Variants in GSK3B observed in about 807,000 individuals in gnomAD.
The protein encoded by GSK3B is glycogen synthase kinase-3 beta.
In GSK3B, 15 loss-of-function variants were observed where a neutral mutation model predicts 56.4. The ratio of observed to expected loss-of-function variants is 0.27; its 90% CI spans 0.18 to 0.41. The LOEUF is 0.41. Among genes scored for constraint, GSK3B ranks in the 10% least tolerant of loss-of-function variants. The pLI, the probability that GSK3B is intolerant of heterozygous loss-of-function variation, is 1.00. For synonymous variants in GSK3B, 181 were observed against 188.9 expected (o/e 0.96, Z 0.34); for missense variants, 300 against 513.4 (o/e 0.58, Z 4.02).
chr3:119,945,104 A>G lies in GSK3B; in HGVS notation c.366+2164T>C, dbSNP rs576968328. Among the ~76,000 whole-genome samples, 5 of 152,300 alleles carry G rather than the reference A, an allele frequency of 3.3e-5. No homozygotes were observed. In the South Asian group the frequency reaches 1.0e-3, roughly 32 times the overall value. ...AACAATTCAGAAGTGGAGATCATGA[A>G]TGGGGCAAAAAGAAATTCTCTCTTT... On this transcript the variant is annotated intron_variant, in intron 3 of 10. Coordinates refer to ENST00000264235, the MANE Select transcript of GSK3B (RefSeq NM_001146156.2).
At chr3:119,985,873 C>T (rs1230198561) in intron 2 of GSK3B, among the ~76,000 whole-genome samples, 1 of 152,074 alleles carries the variant, frequency 6.6e-6, no homozygotes, top group Non-Finnish European at 1.5e-5. Context: ...GCCTGAATTG[C>T]CAATACAATC....
chr3:119,968,772 G>C (rs935694386), intron 2 of GSK3B, among the ~76,000 whole-genome samples: 4 of 152,096 alleles, frequency 2.6e-5, no homozygotes, highest in East Asian at 1.9e-4. Context: ...AACTGTCTTT[G>C]CTCGCCAATA....
At chr3:119,865,310 A>G (rs959368623) in intron 8 of GSK3B, among the ~76,000 whole-genome samples, 2 of 151,556 alleles carry the variant, frequency 1.3e-5, no homozygotes, top group Admixed American at 1.3e-4. Context: ...GTAGAAATAA[A>G]TATCTCCCAC....
chr3:120,067,073 A>G (rs188205192), intron 1 of GSK3B, among the ~76,000 whole-genome samples: 3 of 152,304 alleles, frequency 2.0e-5, no homozygotes, highest in East Asian at 1.9e-4. Context: ...TTGGGCCACA[A>G]TCAAAGCTGT....
intron 2 of GSK3B, among the ~76,000 whole-genome samples, chr3:119,990,771 A>C (rs1232031832): frequency 6.6e-6 from 1 of 151,872 alleles, no homozygotes; most frequent in Non-Finnish European, 1.5e-5. Flanking sequence ...TCTACTAAAA[A>C]TACAAAATTA....
chr3:119,963,770 G>C (rs1056448363), intron 2 of GSK3B, among the ~76,000 whole-genome samples: 4 of 151,848 alleles, frequency 2.6e-5, no homozygotes, highest in African/African-American at 7.3e-5. Flanking sequence ...AATGCAGAAA[G>C]GACAGTTTTT....
In GSK3B at chr3:119,822,986, T is replaced by A. The variant is rs940082411; in HGVS notation, c.*3802A>T. On this transcript the variant is annotated 3_prime_UTR_variant, in exon 11 of 11. Coordinates refer to ENST00000264235, the MANE Select transcript of GSK3B (RefSeq NM_001146156.2). ...AACCTTTGCATTGGTGCAGACAAGA[T>A]GACTGGTTAGGCATACATTGTTAAA... 7 of 229,786 alleles carry A rather than the reference T, an allele frequency of 3.0e-5. No individual in the cohort carries two copies. Among genetic ancestry groups the A allele is most frequent in the Non-Finnish European group, 6.0e-5 (7 of 115,986 alleles). The allele number at this position is 229,786 out of a possible 1,614,324, so 14.2% of individuals were successfully genotyped here. A position where few individuals can be genotyped will look rare whatever the true frequency, so the allele number is the denominator to read the frequency against.
chr3:119,841,979 C>G (rs1294505580), intron 10 of GSK3B, among the ~76,000 whole-genome samples: 1 of 152,092 alleles, frequency 6.6e-6, no homozygotes, highest in East Asian at 1.9e-4. Flanking sequence ...GATTTTATCT[C>G]CTGCAGCATA....
At chr3:119,905,629 T>G in intron 7 of GSK3B, 126 bp downstream of exon 7, 1 of 666,076 alleles carries the variant, frequency 1.5e-6, no homozygotes, top group Non-Finnish European at 2.7e-6. Flanking sequence ...TAGCTGAACT[T>G]GCTACGTGAC....
intron 3 of GSK3B, among the ~76,000 whole-genome samples, chr3:119,932,725 G>A (rs1334375628): frequency 6.6e-6 from 1 of 151,910 alleles, no homozygotes; most frequent in Non-Finnish European, 1.5e-5. Context: ...ATAAACTTCT[G>A]CTACACATGA....
intron 1 of GSK3B, among the ~76,000 whole-genome samples, chr3:120,052,440 G>C (rs188670996): frequency 6.6e-6 from 1 of 152,142 alleles, no homozygotes; most frequent in African/African-American, 2.4e-5. Context: ...AGATTCATGA[G>C]CCTCACCAGG....
chr3:120,069,890 A>T (rs955868434), intron 1 of GSK3B, among the ~76,000 whole-genome samples: 1 of 152,164 alleles, frequency 6.6e-6, no homozygotes, highest in African/African-American at 2.4e-5. Context: ...TTACTTTAAA[A>T]ATGCATCTGG....
chr3:119,967,919 A>C (rs1237591193), intron 2 of GSK3B, among the ~76,000 whole-genome samples: 1 of 150,548 alleles, frequency 6.6e-6, no homozygotes, highest in Admixed American at 6.6e-5. Context: ...GCAGTGGCAC[A>C]ATCTCCACTC....
At chr3:119,911,388 T>C (rs1207811420) in intron 6 of GSK3B, among the ~76,000 whole-genome samples, 1 of 152,176 alleles carries the variant, frequency 6.6e-6, no homozygotes, top group African/African-American at 2.4e-5. Context: ...ACATTCAGCA[T>C]CATTCTTAAG....
rs557848375 is a variant in GSK3B, at chr3:119,909,945, G to A, written c.715+2759C>T. On this transcript the variant is annotated intron_variant, in intron 6 of 10. Coordinates refer to ENST00000264235, the MANE Select transcript of GSK3B (RefSeq NM_001146156.2). ...AACATCTTGGGTGCATACTTCTGCAGAATCAGTGCATCTAGCAAAACTACT... is the reference window on the plus strand; with the variant it reads ...AACATCTTGGGTGCATACTTCTGCAAAATCAGTGCATCTAGCAAAACTACT... 1.1e-4 allele frequency among the ~76,000 whole-genome samples: 16 copies of A among 152,346 alleles called. No individual in the cohort carries two copies. The South Asian group carries it at 2.5e-3, about 24-fold the overall frequency.
Position 119,837,856 on chromosome 3 carries a change from A to C in GSK3B, c.1195+5399T>G, listed in dbSNP as rs1489397202. 2.7e-5 allele frequency among the ~76,000 whole-genome samples: 4 copies of C among 148,276 alleles called. No homozygotes were observed. The Admixed American group carries it at 2.7e-4, about 10-fold the overall frequency. ...GATGACTGGGTGTACAAAGAAAATA[A>C]GACATATATAATATATATTTATATT... On this transcript the variant is annotated intron_variant, in intron 10 of 10. Coordinates refer to ENST00000264235, the MANE Select transcript of GSK3B (RefSeq NM_001146156.2).
chr3:119,827,926 C>T (rs962166802), intron 10 of GSK3B, among the ~76,000 whole-genome samples: 6 of 149,042 alleles, frequency 4.0e-5, no homozygotes, highest in Non-Finnish European at 7.4e-5. Context: ...GACTACAGTA[C>T]AAAAATAATT....
intron 6 of GSK3B, among the ~76,000 whole-genome samples, chr3:119,907,125 G>C (rs2056690209): frequency 6.6e-6 from 1 of 152,038 alleles, no homozygotes; most frequent in Admixed American, 6.6e-5. Flanking sequence ...AAGCGGAAAA[G>C]ATGTATCTCC....
intron 2 of GSK3B, among the ~76,000 whole-genome samples, chr3:119,959,732 G>T (rs1315547904): frequency 1.3e-5 from 2 of 151,712 alleles, no homozygotes; most frequent in Non-Finnish European, 2.9e-5. Context: ...GGCCAGGCTG[G>T]TCTTGAACTC....
Sources: allele counts gnomAD v4.1 joint callset (sites outside exome capture counted in the v4.1 genomes callset), GRCh38; gene constraint gnomAD v4.1.1; transcripts MANE v1.5; gene names NCBI Gene and HGNC (gene_info 2026-07-23, HGNC 2026-07-21).